CSF1: variants seen among roughly 807,000 people sequenced by gnomAD.
CSF1 encodes colony stimulating factor 1.
CSF1 carries 9 observed loss-of-function variants against 48.9 expected under a neutral mutation model. That is an observed-to-expected ratio of 0.18 (90% CI 0.11 to 0.32). The LOEUF is 0.32. Among genes scored for constraint, CSF1 ranks in the 10% least tolerant of loss-of-function variants. CSF1 has a pLI of 1.00. For synonymous variants in CSF1, 305 were observed against 284.1 expected (o/e 1.07, Z -0.74); for missense variants, 672 against 697.9 (o/e 0.96, Z 0.42).
chr1:109,920,974 G>A (rs1049631643), intron 4 of CSF1, among the ~76,000 whole-genome samples: 2 of 152,078 alleles, frequency 1.3e-5, no homozygotes, highest in Non-Finnish European at 2.9e-5. Flanking sequence ...GGGAAGCCGG[G>A]GCCCCTTGAG....
intron 1 of CSF1, among the ~76,000 whole-genome samples, chr1:109,912,284 G>C (rs1654723161): frequency 6.6e-6 from 1 of 152,114 alleles, no homozygotes; most frequent in Non-Finnish European, 1.5e-5. Flanking sequence ...CTTGTTGAGG[G>C]GGAAGATGAA....
At position 109,914,325 on chromosome 1, in the gene CSF1, T is replaced by C; in HGVS notation, c.106T>C (p.Ser36Pro). The change falls in exon 2 of 9, where the codon TCG (serine) becomes CCG (proline). Residue 36 changes from serine to proline, a missense_variant. Transcript: ENST00000329608. Reference protein sequence around the residue: ...LASRSITEEVSEYCSHMIGSG... With the variant: ...LASRSITEEVPEYCSHMIGSG... The stretch of plus-strand genomic sequence containing the variant: ...GAGCAGGAGTATCACCGAGGAGGTG[T>C]CGGAGTACTGTAGCCACATGATTGG... 6.2e-7 allele frequency: 1 copy of C among 1,607,832 alleles called. No homozygotes were observed. The highest frequency in any genetic ancestry group is 1.1e-5 in the South Asian group (1 of 89,150).
intron 8 of CSF1, among the ~76,000 whole-genome samples, chr1:109,927,415 A>G (rs1187775322): frequency 1.3e-5 from 2 of 152,182 alleles, no homozygotes; most frequent in African/African-American, 4.8e-5. Flanking sequence ...CAGCTGGGGC[A>G]CTGGCAAGAC....
chr1:109,911,811 G>C (rs1305645743), intron 1 of CSF1, among the ~76,000 whole-genome samples: 2 of 152,210 alleles, frequency 1.3e-5, no homozygotes, highest in Non-Finnish European at 2.9e-5. Context: ...AATGGAAAGA[G>C]GGTTTGGTGT....
intron 2 of CSF1, 144 bp downstream of exon 2, chr1:109,914,525 A>G (rs1654818381): frequency 1.0e-6 from 1 of 977,920 alleles, no homozygotes; most frequent in East Asian, 3.1e-5. Flanking sequence ...TAGCTCCACC[A>G]GTGATACCCT....
At chr1:109,915,362 A>C (rs1557732291) in intron 2 of CSF1, among the ~76,000 whole-genome samples, 1 of 152,296 alleles carries the variant, frequency 6.6e-6, no homozygotes, top group East Asian at 1.9e-4. Flanking sequence ...TCTTCTATAG[A>C]CATCTCTTCC....
intron 5 of CSF1, among the ~76,000 whole-genome samples, 181 bp from the exon 6 acceptor site, chr1:109,922,980 ACCTTC>A (rs1347424732): frequency 6.6e-6 from 1 of 151,800 alleles, no homozygotes; most frequent in East Asian, 1.9e-4. Flanking sequence ...TGCATACGGC[ACCTTC>A]CCTGTGTCAT....
At position 109,924,186 on chromosome 1, in the gene CSF1, G is replaced by T. The variant is rs770406825; in HGVS notation, c.1565G>T (p.Arg522Leu). Residue 522 changes from arginine (R) to leucine (L), a missense_variant, in exon 6 of 9, where the codon CGG (arginine) becomes CTG (leucine). Physicochemically the swap from Arg to Leu is moderately radical, Grantham distance 102. Transcript: ENST00000329608. ...GGCCTCTTGTTCTACAGGTGGAGGC[G>T]GCGGGTGAGTAGATCCCCATGAGGA... ...VGGLLFYRWRRRSHQEPQRAD... is the reference protein window; with the variant it reads ...VGGLLFYRWRLRSHQEPQRAD... 7 of 1,605,192 alleles carry T rather than the reference G, an allele frequency of 4.4e-6. No individual in the cohort carries two copies. The Admixed American group carries it at 1.2e-4, about 27-fold the overall frequency.
chr1:109,911,180 G>A, intron 1 of CSF1, 118 bp downstream of exon 1: 1 of 638,910 alleles, frequency 1.6e-6, no homozygotes, highest in Non-Finnish European at 2.0e-6. Flanking sequence ...CACTGGCCCG[G>A]CGTTCCCGCC....
intron 8 of CSF1, among the ~76,000 whole-genome samples, chr1:109,928,620 TC>T (rs1326851561): frequency 6.6e-6 from 1 of 151,942 alleles, no homozygotes; most frequent in Non-Finnish European, 1.5e-5. Context: ...AGGCCCTGAT[TC>T]CCCAGGAGGA....
At chr1:109,920,395 G>A (rs1647476801) in intron 4 of CSF1, among the ~76,000 whole-genome samples, 1 of 152,098 alleles carries the variant, frequency 6.6e-6, no homozygotes, top group Non-Finnish European at 1.5e-5. Context: ...AGCCTCCCGA[G>A]TAGCTGGGAT....
At chr1:109,918,128 AT>A (rs1647338919) in intron 4 of CSF1, among the ~76,000 whole-genome samples, 1 of 152,208 alleles carries the variant, frequency 6.6e-6, no homozygotes, top group Admixed American at 6.5e-5. Flanking sequence ...GCAAATATTG[AT>A]TTGAGCTCCA....
rs575181986 is a variant in CSF1, at chr1:109,928,389, A to G, written c.*14-463A>G. ...TCTGCCCTACTGTCTTGAACATCAT[A>G]TGTGATGCCCCTCTGATGAAATGAA... On this transcript the variant is annotated intron_variant, in intron 8 of 8. Transcript: ENST00000329608. 2.0e-5 allele frequency among the ~76,000 whole-genome samples: 3 copies of G among 152,236 alleles called. No individual in the cohort carries two copies. The East Asian group carries it at 5.8e-4, about 29-fold the overall frequency.
At chr1:109,917,503 A>C (rs745557776) in intron 4 of CSF1, 40 bp downstream of exon 4, 1 of 1,604,580 alleles carries the variant, frequency 6.2e-7, no homozygotes, top group South Asian at 1.1e-5. Flanking sequence ...GTGAGGGCAG[A>C]GGGTGGCTGT....
intron 7 of CSF1, 90 bp downstream of exon 7, chr1:109,924,918 G>A: frequency 7.5e-7 from 1 of 1,336,068 alleles, no homozygotes; most frequent in Non-Finnish European, 1.1e-6. Flanking sequence ...TCTCCTGCTT[G>A]CTCTGAGGAA....
chr1:109,912,633 T>G (rs893063501), intron 1 of CSF1, among the ~76,000 whole-genome samples: 2 of 152,226 alleles, frequency 1.3e-5, no homozygotes, highest in Non-Finnish European at 2.9e-5. Flanking sequence ...CCCTTGGGGT[T>G]AAGCATTGCT....
chr1:109,928,518 C>T (rs560026988), intron 8 of CSF1, among the ~76,000 whole-genome samples: 24 of 152,308 alleles, frequency 1.6e-4, no homozygotes, highest in African/African-American at 3.4e-4. Context: ...TTCAAGTGCC[C>T]GCTTCGCTCC....
rs995148343 is a variant in CSF1 at position 109,916,732 on chromosome 1, C to T, written c.226-561C>T. On this transcript the variant is annotated intron_variant, in intron 3 of 8. Transcript: ENST00000329608. ...AGCCTCAGTATTTTATGCACTCACT[C>T]GCTTGCTCTAGCACTCATGCCTGAA... Among the ~76,000 whole-genome samples the T allele has an allele frequency of 7.2e-5, 11 of 152,178 alleles. No homozygotes were observed. In the South Asian group the frequency reaches 1.0e-3, roughly 14 times the overall value.
At chr1:109,914,562 T>C (rs1654819543) in intron 2 of CSF1, among the ~76,000 whole-genome samples, 181 bp downstream of exon 2, 3 of 152,258 alleles carry the variant, frequency 2.0e-5, no homozygotes, top group Admixed American at 2.0e-4. Flanking sequence ...AGTTAGGACC[T>C]CTGGTCTCCC....
Sources: gnomAD v4.1 joint callset for allele counts (sites outside exome capture counted in the v4.1 genomes callset) on GRCh38, gnomAD v4.1.1 for gene constraint, MANE v1.5 for transcripts, NCBI Gene and HGNC (gene_info 2026-07-23, HGNC 2026-07-21) for gene names.